The following MEOX2 variants were observed in gnomAD, a reference collection of about 807,000 sequenced individuals.
The protein encoded by MEOX2 is mesenchyme homeobox 2, also known as homeobox protein MOX-2.
Under a neutral mutation model 27.0 loss-of-function variants are expected in MEOX2, and 11 were observed. The observed-to-expected ratio is 0.41, with a 90% CI of 0.26 to 0.68. The LOEUF is 0.68. Ranked by LOEUF, MEOX2 falls within the 30% of genes least tolerant of loss-of-function variation. MEOX2 has a pLI of 0.33. For missense variants in MEOX2, 436 were observed against 385.4 expected (o/e 1.13, Z -1.10); for synonymous variants, 189 against 155.4 (o/e 1.22, Z -1.61).
chr7:15,665,689 G>C (rs540272535), intron 1 of MEOX2, among the ~76,000 whole-genome samples: 5 of 152,178 alleles, frequency 3.3e-5, no homozygotes, highest in African/African-American at 1.2e-4. Flanking sequence ...AAAAATACTG[G>C]CAAAGTAATT....
At chr7:15,640,369 A>T (rs188359690) in intron 1 of MEOX2, among the ~76,000 whole-genome samples, 4 of 152,204 alleles carry the variant, frequency 2.6e-5, no homozygotes, top group Admixed American at 1.3e-4. Context: ...ATTTTTATAC[A>T]TTAATTTTGA....
intron 1 of MEOX2, among the ~76,000 whole-genome samples, chr7:15,628,685 T>A (rs1307127038): frequency 6.6e-6 from 1 of 152,086 alleles, no homozygotes; most frequent in Admixed American, 6.6e-5. Context: ...GTAGGCCATG[T>A]TTACATGGTG....
chr7:15,666,247 C>T (rs1314693799), intron 1 of MEOX2, among the ~76,000 whole-genome samples: 2 of 152,158 alleles, frequency 1.3e-5, no homozygotes. Context: ...TCAATGACTT[C>T]CATAGGCCTA....
At chr7:15,632,971 C>T (rs888335269) in intron 1 of MEOX2, among the ~76,000 whole-genome samples, 2 of 151,826 alleles carry the variant, frequency 1.3e-5, no homozygotes, top group South Asian at 2.1e-4. Context: ...GACTAAAGGC[C>T]CTAATTAAGA....
At chr7:15,677,392 C>CG (rs1782213392) in intron 1 of MEOX2, 1 of 152,138 alleles carries the variant, frequency 6.6e-6, no homozygotes. Flanking sequence ...AGAGACACAG[C>CG]GGGGGTTTAG....
intron 2 of MEOX2, among the ~76,000 whole-genome samples, chr7:15,624,088 C>A (rs1562596392): frequency 6.6e-6 from 1 of 152,090 alleles, no homozygotes; most frequent in Non-Finnish European, 1.5e-5. Context: ...CCATTTTATG[C>A]CTTGGGGAGA....
chr7:15,627,296 A>G lies in MEOX2; in HGVS notation c.518-378T>C, dbSNP rs564715808. ...ACTTGAGGTCTAAGTAAGATTGAAC[A>G]TAGTAATCCTTTAAAAAGTGGCATC... On this transcript the variant is annotated intron_variant, in intron 1 of 2. Coordinates refer to ENST00000262041, the MANE Select transcript of MEOX2 (RefSeq NM_005924.5). 3.3e-5 allele frequency among the ~76,000 whole-genome samples: 5 copies of G among 152,210 alleles called. 1 individual carries two copies. In the South Asian group the frequency reaches 1.0e-3, roughly 32 times the overall value.
At chr7:15,670,046 A>G (rs1782070643) in intron 1 of MEOX2, among the ~76,000 whole-genome samples, 1 of 151,998 alleles carries the variant, frequency 6.6e-6, no homozygotes, top group African/African-American at 2.4e-5. Flanking sequence ...ATATGCTTTT[A>G]TTGTTTGCTT....
intron 2 of MEOX2, among the ~76,000 whole-genome samples, chr7:15,623,814 T>C (rs539810832): frequency 2.1e-4 from 32 of 152,374 alleles, no homozygotes; most frequent in African/African-American, 7.2e-4. Flanking sequence ...TCCTGTGACA[T>C]TCTACACTCA....
intron 1 of MEOX2, among the ~76,000 whole-genome samples, chr7:15,629,647 C>T (rs960052919): frequency 6.6e-6 from 1 of 152,090 alleles, no homozygotes; most frequent in Non-Finnish European, 1.5e-5. Flanking sequence ...TTAATCCAGC[C>T]ACTACTTTTA....
intron 1 of MEOX2, 74 bp downstream of exon 1, chr7:15,685,812 G>T: frequency 6.6e-7 from 1 of 1,504,506 alleles, no homozygotes; most frequent in Non-Finnish European, 8.9e-7. Context: ...TCCAGTGCGA[G>T]AATCTCCCCT....
At chr7:15,657,953 G>T (rs534716404) in intron 1 of MEOX2, among the ~76,000 whole-genome samples, 3 of 152,224 alleles carry the variant, frequency 2.0e-5, no homozygotes, top group Non-Finnish European at 4.4e-5. Flanking sequence ...CTGAGCCTCA[G>T]TTTACATCAA....
intron 2 of MEOX2, among the ~76,000 whole-genome samples, chr7:15,621,153 C>G (rs558853222): frequency 3.9e-5 from 6 of 152,104 alleles, no homozygotes; most frequent in Non-Finnish European, 8.8e-5. Flanking sequence ...TTCGGGGTGA[C>G]TCTGACAATT....
At chr7:15,655,548 C>T (rs1781805735) in intron 1 of MEOX2, among the ~76,000 whole-genome samples, 1 of 151,588 alleles carries the variant, frequency 6.6e-6, no homozygotes, top group African/African-American at 2.4e-5. Context: ...AATTAGATCC[C>T]ACAAAATTAA....
Position 15,686,492 on chromosome 7 carries a change from A to ATTTTTTT in MEOX2, c.-97_-91dup. On this transcript the variant is annotated 5_prime_UTR_variant, in exon 1 of 3. Transcript: ENST00000262041. ...TCACTTTTTCACTGGAAACCGTGTG[A>ATTTTTTT]TTTTTTTTTTAACCTCCCAAAGCAA... 1 of 1,030,590 alleles carries ATTTTTTT rather than the reference A, an allele frequency of 9.7e-7. No homozygotes were observed. The highest frequency in any genetic ancestry group is 1.4e-6 in the Non-Finnish European group (1 of 726,948). The allele number at this position is 1,030,590 out of a possible 1,614,324, so 63.8% of individuals were successfully genotyped here. A position where few individuals can be genotyped will look rare whatever the true frequency, so the allele number is the denominator to read the frequency against.
intron 1 of MEOX2, among the ~76,000 whole-genome samples, chr7:15,659,747 G>A (rs1226725105): frequency 8.2e-6 from 1 of 122,036 alleles, no homozygotes; most frequent in Admixed American, 1.0e-4. Flanking sequence ...GTGACAGAGC[G>A]AGACTGCTCT....
chr7:15,614,350 G>T (rs1269332421), intron 2 of MEOX2, among the ~76,000 whole-genome samples: 1 of 152,008 alleles, frequency 6.6e-6, no homozygotes, highest in African/African-American at 2.4e-5. Context: ...AGTGGTTGAG[G>T]TTGCAGTCAG....
At chr7:15,631,000 T>A (rs1781391725) in intron 1 of MEOX2, among the ~76,000 whole-genome samples, 1 of 151,936 alleles carries the variant, frequency 6.6e-6, no homozygotes, top group Non-Finnish European at 1.5e-5. Flanking sequence ...CGAGCTACTA[T>A]GATTCATGAA....
intron 1 of MEOX2, chr7:15,682,013 T>C (rs1016786704): frequency 1.4e-4 from 22 of 151,836 alleles, no homozygotes; most frequent in Middle Eastern, 3.2e-3. Flanking sequence ...GTGTGATTAT[T>C]TTAGATCACA....
Sources: allele counts gnomAD v4.1 joint callset (sites outside exome capture counted in the v4.1 genomes callset), GRCh38; gene constraint gnomAD v4.1.1; transcripts MANE v1.5; gene names NCBI Gene and HGNC (gene_info 2026-07-23, HGNC 2026-07-21).